The following CDH18 variants were observed in gnomAD, a reference collection of about 807,000 sequenced individuals.
CDH18 encodes the protein cadherin 18, also known as cadherin-18.
Under a neutral mutation model 67.9 loss-of-function variants are expected in CDH18, and 31 were observed. That is an observed-to-expected ratio of 0.46 (90% CI 0.34 to 0.62). The LOEUF is 0.62. Among genes scored for constraint, CDH18 ranks in the 20% least tolerant of loss-of-function variants. The probability of loss-of-function intolerance (pLI) is 0.01; values close to 1 mark genes in which losing one functional copy is unlikely to be tolerated. For missense variants in CDH18, 890 were observed against 975.5 expected (o/e 0.91, Z 1.17); for synonymous variants, 362 against 347.2 (o/e 1.04, Z -0.48).
intron 1 of CDH18, among the ~76,000 whole-genome samples, chr5:20,256,920 T>C (rs1365046378): frequency 6.6e-6 from 1 of 151,246 alleles, no homozygotes; most frequent in Non-Finnish European, 1.5e-5. Flanking sequence ...ACGAGATTTG[T>C]AGTAGCTTGG....
At chr5:19,647,302 C>A (rs921513978) in intron 5 of CDH18, among the ~76,000 whole-genome samples, 15 of 151,580 alleles carry the variant, frequency 9.9e-5, no homozygotes, top group African/African-American at 3.2e-4. Flanking sequence ...GCAGGCGGAT[C>A]ACGAGGTCAA....
In CDH18 at chr5:20,231,969, A is replaced by G. The variant is rs570518799; in HGVS notation, c.-518+23475T>C. On this transcript the variant is annotated intron_variant, in intron 2 of 14. Transcript: ENST00000507958. ...TAATAGATGCTAGAATGTAAAGAGT[A>G]AAATTAATATACTAGCTTAATAAAA... Among the ~76,000 whole-genome samples the G allele has an allele frequency of 4.6e-5, 7 of 152,264 alleles. No individual in the cohort carries two copies. The South Asian group carries it at 1.4e-3, about 32-fold the overall frequency.
chr5:20,166,817 C>A (rs966261198), intron 2 of CDH18, among the ~76,000 whole-genome samples: 1 of 152,146 alleles, frequency 6.6e-6, no homozygotes, highest in African/African-American at 2.4e-5. Context: ...GACACCCACT[C>A]CGTTGTCCTC....
At chr5:20,481,587 A>C (rs966969855) in intron 1 of CDH18, among the ~76,000 whole-genome samples, 11 of 152,268 alleles carry the variant, frequency 7.2e-5, no homozygotes, top group African/African-American at 2.6e-4. Flanking sequence ...AAAAATTTTG[A>C]AATTATAACA....
chr5:20,333,305 G>C (rs963417562), intron 1 of CDH18, among the ~76,000 whole-genome samples: 35 of 151,956 alleles, frequency 2.3e-4, no homozygotes, highest in African/African-American at 8.4e-4. Context: ...TCAGGAGATT[G>C]AGACCATCTT....
chr5:20,432,322 A>C (rs1168834581), intron 1 of CDH18, among the ~76,000 whole-genome samples: 3 of 152,096 alleles, frequency 2.0e-5, no homozygotes, highest in African/African-American at 7.2e-5. Flanking sequence ...TGACATTGAG[A>C]CAGAATGATA....
intron 2 of CDH18, among the ~76,000 whole-genome samples, chr5:20,075,746 C>A (rs10434577): frequency 0.12 from 17,878 of 152,194 alleles, 1,415 homozygotes; most frequent in East Asian, 0.3. Flanking sequence ...AAGGTCTGTG[C>A]ATTTTCTAAT....
At chr5:20,039,574 C>G (rs1218811825) in intron 2 of CDH18, among the ~76,000 whole-genome samples, 1 of 152,052 alleles carries the variant, frequency 6.6e-6, no homozygotes, top group Admixed American at 6.6e-5. Context: ...TTTGACAAAC[C>G]TGACAAAAAC....
intron 2 of CDH18, among the ~76,000 whole-genome samples, chr5:20,242,601 A>ATATATATATGT (rs1454331020): frequency 1.8e-5 from 1 of 55,834 alleles, no homozygotes; most frequent in East Asian, 4.3e-4. Flanking sequence ...TGAGGGAAAA[A>ATATATATATGT]AAAAAAAAAA....
intron 5 of CDH18, among the ~76,000 whole-genome samples, chr5:19,687,388 AC>A (rs1162533848): frequency 5.9e-5 from 9 of 152,170 alleles, no homozygotes; most frequent in African/African-American, 1.9e-4. Flanking sequence ...CTCCCCTTGC[AC>A]ACTTGTCTTA....
Position 19,811,652 on chromosome 5 carries a change from A to C in CDH18, c.228+27107T>G, listed in dbSNP as rs114279164. On this transcript the variant is annotated intron_variant, in intron 3 of 12. Transcript: ENST00000382275. ...AAAAAAATTATCTGAGCCAAGGTATATTAGCCAATCCAGAGAACACAAGGG... is the reference window on the plus strand; with the variant it reads ...AAAAAAATTATCTGAGCCAAGGTATCTTAGCCAATCCAGAGAACACAAGGG... Among the ~76,000 whole-genome samples, 599 of 152,334 alleles carry C rather than the reference A, an allele frequency of 3.9e-3. 1 individual carries two copies. Among genetic ancestry groups the C allele is most frequent in the African/African-American group, 0.014 (578 of 41,592 alleles).
intron 2 of CDH18, among the ~76,000 whole-genome samples, chr5:19,871,904 G>A (rs1238281130): frequency 6.6e-6 from 1 of 152,050 alleles, no homozygotes; most frequent in Admixed American, 6.6e-5. Context: ...ATTTTAGTTA[G>A]GATTAATGTT....
chr5:19,707,165 C>T (rs1248754993), intron 5 of CDH18, among the ~76,000 whole-genome samples: 1 of 151,826 alleles, frequency 6.6e-6, no homozygotes, highest in Non-Finnish European at 1.5e-5. Flanking sequence ...TGGGAGGATC[C>T]CAAAGACCCA....
At chr5:20,454,526 A>G (rs996742639) in intron 1 of CDH18, among the ~76,000 whole-genome samples, 3 of 152,152 alleles carry the variant, frequency 2.0e-5, no homozygotes, top group African/African-American at 7.2e-5. Context: ...ATAATGCTTT[A>G]TTCCAAATAT....
At chr5:19,838,312 G>T (rs1781897161) in intron 3 of CDH18, among the ~76,000 whole-genome samples, 1 of 152,110 alleles carries the variant, frequency 6.6e-6, no homozygotes, top group African/African-American at 2.4e-5. Context: ...GAAAATATGT[G>T]TGATGTTTTC....
intron 2 of CDH18, among the ~76,000 whole-genome samples, chr5:20,029,805 G>A (rs1739227169): frequency 6.6e-6 from 1 of 152,158 alleles, no homozygotes; most frequent in Admixed American, 6.5e-5. Context: ...GGGCTGCAAA[G>A]CAACACAGTC....
At chr5:20,246,824 C>A (rs1743416584) in intron 2 of CDH18, among the ~76,000 whole-genome samples, 1 of 152,140 alleles carries the variant, frequency 6.6e-6, no homozygotes, top group Admixed American at 6.5e-5. Flanking sequence ...AAGTGTATAT[C>A]CAAATCACAT....
intron 8 of CDH18, among the ~76,000 whole-genome samples, chr5:19,569,819 A>T (rs1462243340): frequency 2.0e-5 from 3 of 152,148 alleles, no homozygotes; most frequent in African/African-American, 7.2e-5. Context: ...TAAGGTGATG[A>T]ATTTCACAAC....
At chr5:19,509,745 T>C (rs1205436456) in intron 10 of CDH18, among the ~76,000 whole-genome samples, 2 of 152,180 alleles carry the variant, frequency 1.3e-5, no homozygotes, top group Non-Finnish European at 2.9e-5. Context: ...ATGCATAAAA[T>C]AGAATAGACT....
Sources: gnomAD v4.1 joint callset for allele counts (sites outside exome capture counted in the v4.1 genomes callset) on GRCh38, gnomAD v4.1.1 for gene constraint, MANE v1.5 for transcripts, NCBI Gene and HGNC (gene_info 2026-07-23, HGNC 2026-07-21) for gene names.